The following TXNDC9 variants were observed in gnomAD, a reference collection of about 807,000 sequenced individuals.
TXNDC9 encodes the protein thioredoxin domain-containing protein 9.
A neutral mutation model predicts 23.0 loss-of-function variants in TXNDC9; 7 were observed. The ratio of observed to expected loss-of-function variants is 0.30; its 90% CI spans 0.17 to 0.57. The LOEUF is 0.57. Among genes scored for constraint, TXNDC9 ranks in the 20% least tolerant of loss-of-function variants. The pLI is 0.90. For synonymous variants in TXNDC9, 72 were observed against 90.6 expected, an observed-to-expected ratio of 0.79 and a Z score of 1.17; for missense variants, 198 against 252.6, an observed-to-expected ratio of 0.78 and a Z score of 1.47.
At chr2:99,306,436 C>G in the TXNDC9 span, among the ~76,000 whole-genome samples, 23 of 152,230 alleles carry the variant, frequency 1.5e-4, no homozygotes, top group Non-Finnish European at 3.4e-4. Context: ...AAAAAGCAAA[C>G]AGCCTGTAGG....
chr2:99,316,117 C>CTTTTTT (rs57142545), downstream of TXNDC9, among the ~76,000 whole-genome samples: 25 of 135,996 alleles, frequency 1.8e-4, no homozygotes, highest in African/African-American at 2.9e-4. Flanking sequence ...ATTTCTTTTT[C>CTTTTTT]TTTTTTTTTT....
At position 99,322,142 on chromosome 2, in the gene TXNDC9, G is replaced by T; in HGVS notation, c.376C>A (p.Leu126Met). Residue 126 changes from leucine (L) to methionine (M), a missense_variant, in exon 4 of 5, where the codon CTG becomes ATG. Coordinates refer to ENST00000264255, the MANE Select transcript of TXNDC9 (RefSeq NM_005783.4). ...AGGAAAGGTGCTTTTTCCACATTCA[G>T]CTTCAAAAATTTGGTCTCGAGGTGT... ...KKHLETKFLK[L>M]NVEKAPFLCE... The T allele has an allele frequency of 6.2e-7, 1 of 1,614,110 alleles. No homozygotes were observed. The highest frequency in any genetic ancestry group is 8.5e-7 in the Non-Finnish European group (1 of 1,180,004).
intron 4 of TXNDC9, among the ~76,000 whole-genome samples, chr2:99,320,163 A>G (rs776072265): frequency 7.9e-5 from 12 of 152,040 alleles, no homozygotes; most frequent in Non-Finnish European, 1.6e-4. Flanking sequence ...GTGTGCCACC[A>G]TGCTCAGTTA....
chr2:99,326,118 G>A (rs1000867978), intron 3 of TXNDC9, among the ~76,000 whole-genome samples: 3 of 152,152 alleles, frequency 2.0e-5, no homozygotes, highest in Non-Finnish European at 2.9e-5. Flanking sequence ...GGCAACTTGA[G>A]GAATGTGTGC....
At chr2:99,321,803 T>C in intron 4 of TXNDC9, 152 bp downstream of exon 4, 1 of 906,792 alleles carries the variant, frequency 1.1e-6, no homozygotes, top group East Asian at 2.7e-5. Context: ...TATTACACAC[T>C]TCAAAAAAAC....
chr2:99,322,687 AG>A, intron 3 of TXNDC9: 1 of 1,496,650 alleles, frequency 6.7e-7, no homozygotes, highest in Non-Finnish European at 8.9e-7. Flanking sequence ...ATTAAGGCTA[AG>A]GGTTACTAAT....
chr2:99,312,025 G>C, the TXNDC9 span, among the ~76,000 whole-genome samples: 2 of 152,154 alleles, frequency 1.3e-5, no homozygotes, highest in Non-Finnish European at 2.9e-5. Flanking sequence ...GGATGAACCT[G>C]GGAGGCTGAG....
chr2:99,307,122 T>C, the TXNDC9 span, among the ~76,000 whole-genome samples: 11 of 108,050 alleles, frequency 1.0e-4, no homozygotes, highest in African/African-American at 2.8e-4. Context: ...CTCTCTCTCT[T>C]TCTCTCTCTC....
At chr2:99,311,917 G>A in the TXNDC9 span, among the ~76,000 whole-genome samples, 2 of 152,154 alleles carry the variant, frequency 1.3e-5, no homozygotes, top group Non-Finnish European at 2.9e-5. Context: ...AAAAATACAT[G>A]AAAAGAGTTA....
chr2:99,315,315 T>G (rs1187410166), downstream of TXNDC9, among the ~76,000 whole-genome samples: 1 of 152,124 alleles, frequency 6.6e-6, no homozygotes, highest in Admixed American at 6.6e-5. Context: ...TCTGCCCGCC[T>G]TGGCCTCCCA....
At chr2:99,330,181 T>C (rs574587251) in intron 2 of TXNDC9, among the ~76,000 whole-genome samples, 22 of 147,082 alleles carry the variant, frequency 1.5e-4, no homozygotes, top group African/African-American at 4.8e-4. Flanking sequence ...TCCCAGCTAC[T>C]TGGGAGGCTG....
At chr2:99,309,683 T>G in the TXNDC9 span, among the ~76,000 whole-genome samples, 1 of 151,958 alleles carries the variant, frequency 6.6e-6, no homozygotes, top group Non-Finnish European at 1.5e-5. Context: ...GCACATTTCT[T>G]TTTTCTTTTT....
chr2:99,309,526 AG>A, the TXNDC9 span, among the ~76,000 whole-genome samples: 6 of 151,642 alleles, frequency 4.0e-5, no homozygotes, highest in Non-Finnish European at 5.9e-5. Context: ...AAAAAAGAAA[AG>A]AAAAGAAAAA....
chr2:99,312,264 GGTGA>G, the TXNDC9 span, among the ~76,000 whole-genome samples: 1 of 152,278 alleles, frequency 6.6e-6, no homozygotes, highest in East Asian at 1.9e-4. Flanking sequence ...GGGAGGCTGA[GGTGA>G]GTGAGTTACT....
In TXNDC9 at chr2:99,327,495, G is replaced by T. The variant is rs1419725522; in HGVS notation, c.308+40C>A. 5.7e-6 allele frequency: 8 copies of T among 1,406,124 alleles called. No individual in the cohort carries two copies. In the African/African-American group the frequency reaches 1.1e-4, roughly 20 times the overall value. 87.1% of individuals were successfully genotyped at this position (1,406,124 alleles called of 1,614,324 possible). A position where few individuals can be genotyped will look rare whatever the true frequency, so the allele number is the denominator to read the frequency against. Reference sequence around the variant, plus strand: ...TATATCTCCAGCCAAACAATTCACTGTGTTTTTTTAGAAAAAGTCACAGAT... The same window carrying T: ...TATATCTCCAGCCAAACAATTCACTTTGTTTTTTTAGAAAAAGTCACAGAT... On this transcript the variant is annotated intron_variant, in intron 3 of 4. Transcript: ENST00000264255.
At chr2:99,309,011 T>C in the TXNDC9 span, among the ~76,000 whole-genome samples, 1 of 151,712 alleles carries the variant, frequency 6.6e-6, no homozygotes, top group Non-Finnish European at 1.5e-5. Flanking sequence ...CAAAGTAAAA[T>C]AAATATTAAA....
intron 3 of TXNDC9, among the ~76,000 whole-genome samples, chr2:99,326,622 G>A (rs1220409253): frequency 1.3e-5 from 2 of 152,208 alleles, no homozygotes; most frequent in Non-Finnish European, 2.9e-5. Flanking sequence ...TTTGGTTTAC[G>A]ATGTGACCTC....
chr2:99,317,374 G>A (rs941892470), downstream of TXNDC9, among the ~76,000 whole-genome samples: 2 of 151,988 alleles, frequency 1.3e-5, no homozygotes, highest in African/African-American at 4.8e-5. Context: ...GCCCTCCAGC[G>A]CATTTCTTCT....
At chr2:99,311,041 T>C in the TXNDC9 span, among the ~76,000 whole-genome samples, 1 of 152,030 alleles carries the variant, frequency 6.6e-6, no homozygotes, top group South Asian at 2.1e-4. Flanking sequence ...CTTTTTTTTT[T>C]AAGAGACAGG....
Sources: gnomAD v4.1 joint callset for allele counts (sites outside exome capture counted in the v4.1 genomes callset) on GRCh38, gnomAD v4.1.1 for gene constraint, MANE v1.5 for transcripts, NCBI Gene and HGNC (gene_info 2026-07-23, HGNC 2026-07-21) for gene names.